The following TENM1 variants were observed in gnomAD, a reference collection of about 807,000 sequenced individuals.
TENM1 encodes teneurin transmembrane protein 1, also known as teneurin-1.
In TENM1, 35 loss-of-function variants were observed where a neutral mutation model predicts 174.8. That is an observed-to-expected ratio of 0.20 (90% CI 0.15 to 0.27). The LOEUF is 0.27. Ranked by LOEUF, TENM1 falls within the 10% of genes least tolerant of loss-of-function variation. The probability of loss-of-function intolerance (pLI) is 1.00; values close to 1 mark genes in which losing one functional copy is unlikely to be tolerated. For missense variants in TENM1, 1,633 were observed against 2,130.1 expected (o/e 0.77, Z 4.59); for synonymous variants, 781 against 798.7 (o/e 0.98, Z 0.37).
intron 23 of TENM1, among the ~76,000 whole-genome samples, chrX:124,441,108 T>C: frequency 8.9e-6 from 1 of 112,374 alleles, no homozygotes; most frequent in Non-Finnish European, 1.9e-5. Context: ...TACATGTTTT[T>C]ATCCCACTTT....
chrX:124,918,779 C>T (rs1037240313), intron 1 of TENM1, among the ~76,000 whole-genome samples: 2 of 111,306 alleles, frequency 1.8e-5, no homozygotes, highest in African/African-American at 6.5e-5. Context: ...GAGAGGTAGG[C>T]ATTATTCACT....
chrX:124,592,592 C>T (rs1271490681), intron 11 of TENM1, among the ~76,000 whole-genome samples: 1 of 109,389 alleles, frequency 9.1e-6, no homozygotes, highest in African/African-American at 3.3e-5. Flanking sequence ...TGTGCCACTA[C>T]GTCCAGCTAA....
At chrX:124,455,494 T>C (rs1009779069) in intron 22 of TENM1, among the ~76,000 whole-genome samples, 5 of 111,801 alleles carry the variant, frequency 4.5e-5, no homozygotes, top group African/African-American at 1.3e-4. Context: ...CCACCTTCTA[T>C]GACCACTATA....
intron 6 of TENM1, among the ~76,000 whole-genome samples, chrX:124,670,707 G>A (rs761793275): frequency 2.3e-4 from 25 of 110,557 alleles, no homozygotes; most frequent in Non-Finnish European, 4.4e-4. Flanking sequence ...CAACCCCCCC[G>A]CCACCACGAA....
the TENM1 span, among the ~76,000 whole-genome samples, chrX:125,081,222 T>G: frequency 9.0e-6 from 1 of 111,350 alleles, no homozygotes; most frequent in East Asian, 2.9e-4. Flanking sequence ...GAGTGTGTGT[T>G]TGTCGGGCCT....
intron 3 of TENM1, among the ~76,000 whole-genome samples, chrX:124,852,005 T>C (rs1373691852): frequency 9.0e-6 from 1 of 111,596 alleles, no homozygotes; most frequent in Non-Finnish European, 1.9e-5. Flanking sequence ...CTATCTGAAC[T>C]GGCTATTGAA....
chrX:124,668,573 G>A (rs1378016637), intron 6 of TENM1, among the ~76,000 whole-genome samples: 1 of 111,069 alleles, frequency 9.0e-6, no homozygotes, highest in African/African-American at 3.3e-5. Context: ...GCGGGAAACC[G>A]TCATTCTCAG....
At chrX:125,193,443 A>C in the TENM1 span, among the ~76,000 whole-genome samples, 3 of 111,620 alleles carry the variant, frequency 2.7e-5, no homozygotes, top group Non-Finnish European at 5.6e-5. Context: ...CTGGACTCAA[A>C]CTCACGGGAC....
At chrX:124,631,674 C>T (rs1284748351) in intron 11 of TENM1, among the ~76,000 whole-genome samples, 5 of 108,718 alleles carry the variant, frequency 4.6e-5, no homozygotes, top group Admixed American at 9.8e-5. Flanking sequence ...CTGAGGCAGC[C>T]GGATCACAAG....
chrX:124,750,354 G>T (rs2054033063), intron 3 of TENM1, among the ~76,000 whole-genome samples: 1 of 111,356 alleles, frequency 9.0e-6, no homozygotes. Context: ...TCAAATTAGA[G>T]ACTTTTTATA....
chrX:124,477,088 G>A (rs2046743008), intron 22 of TENM1, among the ~76,000 whole-genome samples: 2 of 112,164 alleles, frequency 1.8e-5, no homozygotes, highest in Admixed American at 1.9e-4. Flanking sequence ...ATTTGGGGAC[G>A]CTTCCATTTT....
At chrX:125,069,206 A>G in the TENM1 span, among the ~76,000 whole-genome samples, 2 of 111,557 alleles carry the variant, frequency 1.8e-5, no homozygotes, top group South Asian at 7.5e-4. Flanking sequence ...CCATCTTTAT[A>G]TTCATGTGTA....
intron 3 of TENM1, among the ~76,000 whole-genome samples, chrX:124,758,611 C>T (rs1279428556): frequency 9.0e-6 from 1 of 111,631 alleles, no homozygotes; most frequent in Non-Finnish European, 1.9e-5. Context: ...TTACTCAGGA[C>T]AGCCAAGAGG....
intron 11 of TENM1, among the ~76,000 whole-genome samples, chrX:124,595,255 C>T (rs185324246): frequency 9.0e-6 from 1 of 111,539 alleles, no homozygotes; most frequent in African/African-American, 3.2e-5. Context: ...TTGCCACATA[C>T]ACACACACAC....
chrX:124,550,980 A>G (rs1390016288), intron 14 of TENM1, among the ~76,000 whole-genome samples: 3 of 111,929 alleles, frequency 2.7e-5, no homozygotes, highest in Non-Finnish European at 3.8e-5. Flanking sequence ...GGCTGGTCTC[A>G]AACTCCTGGC....
At chrX:125,152,109 GC>G in the TENM1 span, among the ~76,000 whole-genome samples, 26 of 110,452 alleles carry the variant, frequency 2.4e-4, no homozygotes, top group Non-Finnish European at 3.8e-5. Flanking sequence ...ACAAAAATTA[GC>G]CAGGCATGGT....
intron 3 of TENM1, among the ~76,000 whole-genome samples, chrX:124,754,991 A>G (rs1478235548): frequency 1.9e-5 from 2 of 103,056 alleles, no homozygotes; most frequent in African/African-American, 7.8e-5. Context: ...AGTTCTGTAG[A>G]TGTCTATTAG....
chrX:125,067,553 C>G, the TENM1 span, among the ~76,000 whole-genome samples: 1 of 111,870 alleles, frequency 8.9e-6, no homozygotes, highest in African/African-American at 3.2e-5. Flanking sequence ...TCTTGGGTTC[C>G]AGTTGACCTA....
the TENM1 span, among the ~76,000 whole-genome samples, chrX:125,117,962 AAC>A: frequency 8.9e-6 from 1 of 111,832 alleles, no homozygotes; most frequent in Non-Finnish European, 1.9e-5. Flanking sequence ...ATATGAAATT[AAC>A]CTAAGTGTCC....
Sources: allele counts gnomAD v4.1 joint callset (sites outside exome capture counted in the v4.1 genomes callset), GRCh38; gene constraint gnomAD v4.1.1; transcripts MANE v1.5; gene names NCBI Gene and HGNC (gene_info 2026-07-23, HGNC 2026-07-21).